TRPC4AP: variants seen among roughly 807,000 people sequenced by gnomAD.
TRPC4AP encodes the protein transient receptor potential cation channel subfamily C member 4 associated protein.
In TRPC4AP, 45 loss-of-function variants were observed where a neutral mutation model predicts 99.0. The ratio of observed to expected loss-of-function variants is 0.45; its 90% CI spans 0.36 to 0.58. TRPC4AP has a LOEUF of 0.58. TRPC4AP is among the 20% of genes least tolerant of loss of function. The pLI is 0.00. For synonymous variants in TRPC4AP, 408 were observed against 385.8 expected (o/e 1.06, Z -0.67); for missense variants, 879 against 985.3 (o/e 0.89, Z 1.44).
intron 6 of TRPC4AP, among the ~76,000 whole-genome samples, chr20:35,048,466 G>A (rs938646289): frequency 6.6e-6 from 1 of 152,104 alleles, no homozygotes; most frequent in Non-Finnish European, 1.5e-5. Flanking sequence ...AGATCTGCCT[G>A]CCTCAGCCTC....
chr20:35,043,538 G>A (rs747563063), intron 7 of TRPC4AP, among the ~76,000 whole-genome samples: 5 of 152,064 alleles, frequency 3.3e-5, no homozygotes, highest in South Asian at 2.1e-4. Context: ...TTAAGCCACC[G>A]TGCCTGGCCT....
At chr20:35,069,130 A>C (rs1178618823) in intron 3 of TRPC4AP, among the ~76,000 whole-genome samples, 166 bp downstream of exon 3, 1 of 152,206 alleles carries the variant, frequency 6.6e-6, no homozygotes, top group African/African-American at 2.4e-5. Context: ...AATTCTTCTG[A>C]AGTAAAAACT....
chr20:35,054,309 T>C (rs6120813), intron 5 of TRPC4AP, among the ~76,000 whole-genome samples: 28,229 of 152,102 alleles, frequency 0.19, 2,715 homozygotes, highest in Middle Eastern at 0.34. Flanking sequence ...AAAAGACAGG[T>C]ACTGTATCTT....
rs761253075 is a variant in TRPC4AP at position 35,078,179 on chromosome 20, G to A, written c.169-5C>T. The A allele has an allele frequency of 2.5e-6, 4 of 1,609,648 alleles. No homozygotes were observed. The African/African-American group carries it at 5.4e-5, about 22-fold the overall frequency. ...CGTCAAAAAAGTCTCAGTGAACTGT[G>A]AGTCAAAAAAAGAGAGAACATATTA... On this transcript the variant is annotated splice_polypyrimidine_tract_variant and splice_region_variant and intron_variant, in intron 1 of 18. Transcript: ENST00000252015.
chr20:35,036,085 T>C (rs1469630090), intron 7 of TRPC4AP, among the ~76,000 whole-genome samples: 1 of 152,256 alleles, frequency 6.6e-6, no homozygotes, highest in Non-Finnish European at 1.5e-5. Context: ...AATTTTTCTT[T>C]CCACCAATCT....
chr20:35,063,481 G>A (rs569112258), intron 3 of TRPC4AP, among the ~76,000 whole-genome samples: 19 of 152,260 alleles, frequency 1.2e-4, no homozygotes, highest in African/African-American at 3.1e-4. Context: ...TCTTTTTGGC[G>A]TGATAAAAAT....
intron 8 of TRPC4AP, among the ~76,000 whole-genome samples, chr20:35,031,017 G>GA (rs1291069422): frequency 6.6e-6 from 1 of 152,060 alleles, no homozygotes; most frequent in Non-Finnish European, 1.5e-5. Flanking sequence ...TCTTTTCTAA[G>GA]AATGTTTTTA....
Position 35,082,759 on chromosome 20 carries a change from T to C in TRPC4AP, c.169-4585A>G, listed in dbSNP as rs528566486. On this transcript the variant is annotated intron_variant, in intron 1 of 18. Coordinates refer to ENST00000252015, the MANE Select transcript of TRPC4AP (RefSeq NM_015638.3). Reference sequence around the variant, plus strand: ...AATGCAATTCACCACATTGATAACATAAAGGAGAATAATTATTTGATAACA... The same window carrying C: ...AATGCAATTCACCACATTGATAACACAAAGGAGAATAATTATTTGATAACA... 4.6e-5 allele frequency among the ~76,000 whole-genome samples: 7 copies of C among 152,270 alleles called. No homozygotes were observed. In the East Asian group the frequency reaches 1.3e-3, roughly 29 times the overall value.
At chr20:35,068,978 C>G in intron 3 of TRPC4AP, among the ~76,000 whole-genome samples, 1 of 95,192 alleles carries the variant, frequency 1.1e-5, no homozygotes, top group Middle Eastern at 5.1e-3. Flanking sequence ...CACACACACA[C>G]AAAAAAAACA....
Position 35,004,496 on chromosome 20 carries a change from G to C in TRPC4AP, c.2011C>G (p.Arg671Gly), listed in dbSNP as rs745881125. ...QVPTQMSFLF[R>G]LINIIHVQTL... ...TGCACGTGGATGATGTTGATGAGGC[G>C]GAAGAGGAAGGACATCTGCGTGGGC... Residue 671 changes from arginine to glycine, a missense_variant, in exon 17 of 19, where the codon CGC (arginine) becomes GGC (glycine). Transcript: ENST00000252015. 6.2e-7 allele frequency: 1 copy of C among 1,614,058 alleles called. No individual in the cohort carries two copies. The highest frequency in any genetic ancestry group is 8.5e-7 in the Non-Finnish European group (1 of 1,179,970).
chr20:35,042,564 T>C (rs1040053846), intron 7 of TRPC4AP, among the ~76,000 whole-genome samples: 1 of 152,222 alleles, frequency 6.6e-6, no homozygotes, highest in Admixed American at 6.5e-5. Flanking sequence ...TACATTTGTA[T>C]AATTTTACCT....
chr20:35,011,757 C>A (rs1198357984), intron 11 of TRPC4AP, among the ~76,000 whole-genome samples: 1 of 152,240 alleles, frequency 6.6e-6, no homozygotes, highest in Non-Finnish European at 1.5e-5. Context: ...AGAACACACA[C>A]CCTCTCACAT....
At chr20:35,032,444 A>G (rs2083219395) in intron 8 of TRPC4AP, among the ~76,000 whole-genome samples, 1 of 150,380 alleles carries the variant, frequency 6.6e-6, no homozygotes, top group Non-Finnish European at 1.5e-5. Context: ...TTACTTCTTC[A>G]AGCATAGTTT....
At chr20:35,070,451 C>T (rs931270585) in intron 2 of TRPC4AP, among the ~76,000 whole-genome samples, 6 of 151,938 alleles carry the variant, frequency 3.9e-5, no homozygotes, top group South Asian at 2.1e-4. Flanking sequence ...CGCTCTGCCA[C>T]CCAGGCTGGA....
intron 1 of TRPC4AP, among the ~76,000 whole-genome samples, chr20:35,089,273 C>A (rs1030844040): frequency 6.6e-6 from 1 of 152,044 alleles, no homozygotes; most frequent in Non-Finnish European, 1.5e-5. Flanking sequence ...GTTGCCCAGG[C>A]TGCAGTGTAA....
intron 3 of TRPC4AP, among the ~76,000 whole-genome samples, chr20:35,061,662 C>G (rs1343261716): frequency 6.6e-6 from 1 of 152,110 alleles, no homozygotes; most frequent in African/African-American, 2.4e-5. Context: ...TAGTCACATG[C>G]AAAAGAATGA....
At chr20:35,074,480 C>CA (rs1343471250) in intron 2 of TRPC4AP, among the ~76,000 whole-genome samples, 1 of 152,168 alleles carries the variant, frequency 6.6e-6, no homozygotes, top group Non-Finnish European at 1.5e-5. Flanking sequence ...TCTTTGTTCT[C>CA]AATGGTTTCA....
intron 7 of TRPC4AP, among the ~76,000 whole-genome samples, chr20:35,035,513 A>G (rs1160699281): frequency 6.6e-6 from 1 of 152,200 alleles, no homozygotes; most frequent in East Asian, 1.9e-4. Flanking sequence ...ACAGGGAAAC[A>G]GGCTTTTTAT....
chr20:35,056,842 C>T lies in TRPC4AP; in HGVS notation c.472+672G>A, dbSNP rs1341913799. Reference sequence around the variant, plus strand: ...TAAAAAAAAAAATACAAAAATTAGCCGGGTATGGTGGTGGGCGCCTGTAAT... The same window carrying T: ...TAAAAAAAAAAATACAAAAATTAGCTGGGTATGGTGGTGGGCGCCTGTAAT... On this transcript the variant is annotated intron_variant, in intron 4 of 18. Coordinates refer to ENST00000252015, the MANE Select transcript of TRPC4AP (RefSeq NM_015638.3). Among the ~76,000 whole-genome samples the T allele has an allele frequency of 1.1e-4, 16 of 151,224 alleles. No homozygotes were observed. The South Asian group carries it at 1.3e-3, about 12-fold the overall frequency.
Sources: gnomAD v4.1 joint callset for allele counts (sites outside exome capture counted in the v4.1 genomes callset) on GRCh38, gnomAD v4.1.1 for gene constraint, MANE v1.5 for transcripts, NCBI Gene and HGNC (gene_info 2026-07-23, HGNC 2026-07-21) for gene names.